The following GABRB2 variants were observed in gnomAD, a reference collection of about 807,000 sequenced individuals.
GABRB2 encodes gamma-aminobutyric acid receptor subunit beta-2.
In GABRB2, 16 loss-of-function variants were observed where a neutral mutation model predicts 54.7. That is an observed-to-expected ratio of 0.29 (90% CI 0.20 to 0.44). GABRB2 has a LOEUF of 0.44. Among genes scored for constraint, GABRB2 ranks in the 20% least tolerant of loss-of-function variants. The probability of loss-of-function intolerance (pLI) is 1.00; values close to 1 mark genes in which losing one functional copy is unlikely to be tolerated. For missense variants in GABRB2, 355 were observed against 644.0 expected, an observed-to-expected ratio of 0.55 and a Z score of 4.86; for synonymous variants, 244 against 233.8, an observed-to-expected ratio of 1.04 and a Z score of -0.40.
At chr5:161,463,726 G>C (rs1758197740) in intron 3 of GABRB2, among the ~76,000 whole-genome samples, 1 of 150,012 alleles carries the variant, frequency 6.7e-6, no homozygotes, top group African/African-American at 2.4e-5. Context: ...TGGTAGTATT[G>C]ATAGAAACAT....
chr5:161,429,721 G>T (rs938271683), intron 4 of GABRB2, among the ~76,000 whole-genome samples: 1 of 152,120 alleles, frequency 6.6e-6, no homozygotes, highest in Non-Finnish European at 1.5e-5. Flanking sequence ...AATACACACA[G>T]AATGCTAAAA....
At chr5:161,426,014 T>G (rs1263018589) in intron 4 of GABRB2, among the ~76,000 whole-genome samples, 1 of 152,032 alleles carries the variant, frequency 6.6e-6, no homozygotes, top group African/African-American at 2.4e-5. Flanking sequence ...TGGAAGCAAT[T>G]AGAAAAGATA....
chr5:161,494,250 A>G (rs935646379), intron 3 of GABRB2, among the ~76,000 whole-genome samples: 6 of 151,846 alleles, frequency 4.0e-5, no homozygotes, highest in African/African-American at 1.4e-4. Flanking sequence ...CTTGTAATCT[A>G]TTTAGAAAGA....
intron 3 of GABRB2, among the ~76,000 whole-genome samples, chr5:161,477,435 TCCAGCAAG>T: frequency 6.6e-6 from 1 of 151,884 alleles, no homozygotes; most frequent in Admixed American, 6.6e-5. Context: ...TGCTATACAA[TCCAGCAAG>T]CCAAGTTCTG....
intron 3 of GABRB2, among the ~76,000 whole-genome samples, chr5:161,493,690 T>A (rs1214804731): frequency 6.6e-6 from 1 of 151,786 alleles, no homozygotes; most frequent in Non-Finnish European, 1.5e-5. Flanking sequence ...AGTTTTGCTC[T>A]TCCTTCCACA....
chr5:161,351,077 A>C (rs1212265859), intron 5 of GABRB2, among the ~76,000 whole-genome samples: 1 of 152,108 alleles, frequency 6.6e-6, no homozygotes, highest in Non-Finnish European at 1.5e-5. Context: ...CTGTCCCTTT[A>C]GAGAATACAC....
At chr5:161,497,648 G>T (rs910395090) in intron 3 of GABRB2, among the ~76,000 whole-genome samples, 2 of 151,980 alleles carry the variant, frequency 1.3e-5, no homozygotes, top group African/African-American at 4.8e-5. Flanking sequence ...TAGACTATGA[G>T]ACAGCACAAT....
At position 161,295,317 on chromosome 5, in the gene GABRB2, A is replaced by G. The variant is rs560740612; in HGVS notation, c.1192-889T>C. Among the ~76,000 whole-genome samples, 5 of 152,340 alleles carry G rather than the reference A, an allele frequency of 3.3e-5. No homozygotes were observed. The East Asian group carries it at 9.6e-4, about 29-fold the overall frequency. The stretch of plus-strand genomic sequence containing the variant: ...TCTTGCAAAGCTAAAAGCAAAGGAT[A>G]AATAGATATCATGATTCCCAAACAT... On this transcript the variant is annotated intron_variant, in intron 9 of 9. Coordinates refer to ENST00000393959, the MANE Select transcript of GABRB2 (RefSeq NM_001371727.1).
intron 4 of GABRB2, among the ~76,000 whole-genome samples, chr5:161,442,369 C>T (rs1053530559): frequency 2.0e-5 from 3 of 152,066 alleles, no homozygotes; most frequent in Non-Finnish European, 4.4e-5. Context: ...TTTTTGTCAA[C>T]TTGGGGGAAA....
chr5:161,432,543 A>G (rs1757198988), intron 4 of GABRB2, among the ~76,000 whole-genome samples: 1 of 152,208 alleles, frequency 6.6e-6, no homozygotes, highest in South Asian at 2.1e-4. Context: ...GGAGTCATGC[A>G]CATGCTCTCC....
intron 4 of GABRB2, among the ~76,000 whole-genome samples, chr5:161,448,885 A>G (rs1757711461): frequency 6.6e-6 from 1 of 152,158 alleles, no homozygotes; most frequent in Non-Finnish European, 1.5e-5. Context: ...TTTATAAGAA[A>G]AGCAATGGGC....
chr5:161,488,529 A>G (rs974317007), intron 3 of GABRB2, among the ~76,000 whole-genome samples: 43 of 151,810 alleles, frequency 2.8e-4, no homozygotes, highest in Non-Finnish European at 8.8e-5. Flanking sequence ...TAGGCTGAGA[A>G]AAAAGATATT....
intron 5 of GABRB2, among the ~76,000 whole-genome samples, chr5:161,356,960 T>C (rs949214447): frequency 1.3e-5 from 2 of 152,232 alleles, no homozygotes; most frequent in Non-Finnish European, 2.9e-5. Context: ...TTGGCACTTA[T>C]GGCACATTGG....
At chr5:161,391,508 T>C (rs1755818537) in intron 5 of GABRB2, among the ~76,000 whole-genome samples, 1 of 152,122 alleles carries the variant, frequency 6.6e-6, no homozygotes. Flanking sequence ...ATGTGAAATA[T>C]TTCACAGTGG....
chr5:161,387,186 T>C (rs1362373054), intron 5 of GABRB2, among the ~76,000 whole-genome samples: 3 of 152,176 alleles, frequency 2.0e-5, no homozygotes, highest in African/African-American at 4.8e-5. Flanking sequence ...CTGTGCTCCC[T>C]AGGTCTGAAG....
At chr5:161,522,313 C>T (rs998948811) in intron 3 of GABRB2, among the ~76,000 whole-genome samples, 1 of 151,752 alleles carries the variant, frequency 6.6e-6, no homozygotes, top group African/African-American at 2.4e-5. Flanking sequence ...TGTGAACTGA[C>T]ATTACCATAT....
chr5:161,508,964 C>T lies in GABRB2; in HGVS notation c.237+36263G>A, dbSNP rs943832272. The stretch of plus-strand genomic sequence containing the variant: ...TTAATTTGCCAGAACAACCCAATTT[C>T]CTCTAAGCTATTCTGTCTTTGGAGA... On this transcript the variant is annotated intron_variant, in intron 3 of 9. Coordinates refer to ENST00000393959, the MANE Select transcript of GABRB2 (RefSeq NM_001371727.1). Among the ~76,000 whole-genome samples the T allele has an allele frequency of 7.2e-5, 11 of 151,904 alleles. 1 individual carries two copies. The highest frequency in any genetic ancestry group is 2.4e-4 in the African/African-American group (10 of 41,408).
At chr5:161,450,037 C>T (rs750133040) in intron 4 of GABRB2, among the ~76,000 whole-genome samples, 43 of 152,088 alleles carry the variant, frequency 2.8e-4, no homozygotes, top group Non-Finnish European at 5.3e-4. Context: ...AATAATTTTC[C>T]TCTTTGCAGA....
chr5:161,498,612 A>G (rs1224886996), intron 3 of GABRB2, among the ~76,000 whole-genome samples: 1 of 152,172 alleles, frequency 6.6e-6, no homozygotes, highest in East Asian at 1.9e-4. Context: ...CTGAGGCAGG[A>G]CTGGCTTGTC....
Sources: gnomAD v4.1 joint callset for allele counts (sites outside exome capture counted in the v4.1 genomes callset) on GRCh38, gnomAD v4.1.1 for gene constraint, MANE v1.5 for transcripts, NCBI Gene and HGNC (gene_info 2026-07-23, HGNC 2026-07-21) for gene names.